SEC23B: variants seen among roughly 807,000 people sequenced by gnomAD.
The protein encoded by SEC23B is protein transport protein Sec23B.
In SEC23B, 77 loss-of-function variants were observed where a neutral mutation model predicts 104.3. That is an observed-to-expected ratio of 0.74 (90% CI 0.61 to 0.89). The LOEUF is 0.89. Among genes scored for constraint, SEC23B ranks in the 40% least tolerant of loss-of-function variants. The probability of loss-of-function intolerance (pLI) is 0.00; values close to 1 mark genes in which losing one functional copy is unlikely to be tolerated. For missense variants in SEC23B, 885 were observed against 949.4 expected (o/e 0.93, Z 0.89); for synonymous variants, 338 against 332.5 (o/e 1.02, Z -0.18).
rs2060485760 is a variant in SEC23B at position 18,560,757 on chromosome 20, G to A, written c.*17G>A. The A allele has an allele frequency of 6.3e-7, 1 of 1,586,574 alleles. No individual in the cohort carries two copies. Among genetic ancestry groups the A allele is most frequent in the Non-Finnish European group, 8.7e-7 (1 of 1,155,018 alleles). On this transcript the variant is annotated 3_prime_UTR_variant, in exon 20 of 20. Transcript: ENST00000650089. ...GCCTGTTAAGCTGAGGATACAACCAGGAAATGCAACGGTGTCAGATTGTGT... is the reference window on the plus strand; with the variant it reads ...GCCTGTTAAGCTGAGGATACAACCAAGAAATGCAACGGTGTCAGATTGTGT...
intron 4 of SEC23B, among the ~76,000 whole-genome samples, chr20:18,522,504 G>A (rs150088052): frequency 1.3e-5 from 2 of 152,326 alleles, no homozygotes; most frequent in East Asian, 1.9e-4. Flanking sequence ...CCACTTACCC[G>A]ATTTGAAATT....
chr20:18,547,446 A>G (rs1278016591), intron 15 of SEC23B, among the ~76,000 whole-genome samples: 2 of 152,186 alleles, frequency 1.3e-5, no homozygotes, highest in African/African-American at 2.4e-5. Context: ...ACACTTCACA[A>G]GGCAGCTCAT....
chr20:18,546,903 G>GTTT lies in SEC23B; in HGVS notation c.1743+894_1743+896dup, dbSNP rs58809009. Among the ~76,000 whole-genome samples the GTTT allele has an allele frequency of 3.2e-3, 368 of 115,486 alleles. 3 individuals carry two copies. The highest frequency in any genetic ancestry group is 0.026 in the South Asian group (83 of 3,240). 75.8% of individuals were successfully genotyped at this position (115,486 alleles called of 152,430 possible). A position where few individuals can be genotyped will look rare whatever the true frequency, so the allele number is the denominator to read the frequency against. ...AGTTGGTCTGGTGAAGTGGTTTGCA[G>GTTT]TTTTTTTTTTTTTTTTTTTTTTTTT... is the stretch of plus-strand genomic sequence containing the variant. On this transcript the variant is annotated intron_variant, in intron 15 of 19. Coordinates refer to ENST00000650089, the MANE Select transcript of SEC23B (RefSeq NM_006363.6).
At chr20:18,527,734 T>C (rs577659219) in intron 9 of SEC23B, 123 bp downstream of exon 9, 1 of 777,358 alleles carries the variant, frequency 1.3e-6, no homozygotes, top group Non-Finnish European at 2.4e-6. Flanking sequence ...CTCTGGGCTA[T>C]GGTTTCAGTG....
chr20:18,511,000 A>G lies in SEC23B; in HGVS notation c.165A>G (p.Gln55=), dbSNP rs775207981. ...AACGTCCAGACCTACCTCCTGTACA[A>G]TATGAACCTGTGCTTTGCAGCAGGC... is the stretch of plus-strand genomic sequence containing the variant. ...LKERPDLPPV[Q]YEPVLCSRPT... Residue 55 remains glutamine, a synonymous_variant, in exon 2 of 20, where the codon CAA becomes CAG. Transcript: ENST00000650089. The G allele has an allele frequency of 4.3e-6, 7 of 1,614,216 alleles. No individual in the cohort carries two copies. In the East Asian group the frequency reaches 8.9e-5, roughly 21 times the overall value.
At chr20:18,515,533 G>T in intron 3 of SEC23B, 117 bp from the exon 4 acceptor site, 1 of 697,634 alleles carries the variant, frequency 1.4e-6, no homozygotes. Flanking sequence ...AGCTAGTCTG[G>T]AGCTCCTGAG....
At chr20:18,554,511 C>T (rs1177230238) in intron 18 of SEC23B, 121 bp downstream of exon 18, 2 of 1,302,464 alleles carry the variant, frequency 1.5e-6, no homozygotes, top group Non-Finnish European at 2.2e-6. Context: ...CACAGGTAAT[C>T]TTCCAAATAT....
At chr20:18,545,137 T>G (rs2060320938) in intron 14 of SEC23B, among the ~76,000 whole-genome samples, 1 of 152,194 alleles carries the variant, frequency 6.6e-6, no homozygotes, top group Non-Finnish European at 1.5e-5. Context: ...CACTGGACAC[T>G]GGAGGGTGGA....
chr20:18,530,828 T>TA (rs1555788874), intron 10 of SEC23B, 25 bp downstream of exon 10: 12 of 1,572,918 alleles, frequency 7.6e-6, no homozygotes, highest in Non-Finnish European at 7.0e-6. Flanking sequence ...TTTTTTTTTT[T>TA]ATGTGGACTC....
rs532171698 is a variant in SEC23B at position 18,528,076 on chromosome 20, C to T, written c.1109+465C>T. On this transcript the variant is annotated intron_variant, in intron 9 of 19. Transcript: ENST00000650089. Reference sequence around the variant, plus strand: ...CTGAGTCAGTATTGTATTCACAGGCCAGAGTGTGGAGCAGTGGTTCTCAAC... The same window carrying T: ...CTGAGTCAGTATTGTATTCACAGGCTAGAGTGTGGAGCAGTGGTTCTCAAC... Among the ~76,000 whole-genome samples the T allele has an allele frequency of 3.9e-5, 6 of 152,300 alleles. No individual in the cohort carries two copies. The East Asian group carries it at 1.2e-3, about 29-fold the overall frequency.
At chr20:18,559,391 C>T (rs1162491305) in intron 19 of SEC23B, among the ~76,000 whole-genome samples, 1 of 152,132 alleles carries the variant, frequency 6.6e-6, no homozygotes, top group Non-Finnish European at 1.5e-5. Context: ...TCTACTGACA[C>T]CACAGGGGTA....
At chr20:18,513,995 G>T (rs1041576739) in intron 3 of SEC23B, among the ~76,000 whole-genome samples, 3 of 152,122 alleles carry the variant, frequency 2.0e-5, no homozygotes, top group Non-Finnish European at 4.4e-5. Context: ...TGAGATTATT[G>T]TGAGAATTAA....
chr20:18,535,845 T>G (rs372193148), intron 12 of SEC23B, 103 bp downstream of exon 12: 1 of 882,696 alleles, frequency 1.1e-6, no homozygotes, highest in Admixed American at 1.9e-5. Context: ...CCAATATTCC[T>G]TGGGTATTGT....
intron 7 of SEC23B, 67 bp downstream of exon 7, chr20:18,525,999 C>A: frequency 6.5e-7 from 1 of 1,547,584 alleles, no homozygotes; most frequent in Non-Finnish European, 8.9e-7. Flanking sequence ...TATTTGTTGG[C>A]TTTGTTTGAA....
At chr20:18,545,840 G>C in intron 14 of SEC23B, 116 bp from the exon 15 acceptor site, 1 of 744,760 alleles carries the variant, frequency 1.3e-6, no homozygotes, top group Non-Finnish European at 2.5e-6. Context: ...ATAGTAAGTG[G>C]CAGAGTTCAG....
chr20:18,516,592 C>T (rs1395566875), intron 4 of SEC23B, among the ~76,000 whole-genome samples: 7 of 148,358 alleles, frequency 4.7e-5, no homozygotes, highest in Non-Finnish European at 1.0e-4. Flanking sequence ...TGCTCTGTTG[C>T]CCAGGCTGGA....
intron 10 of SEC23B, among the ~76,000 whole-genome samples, chr20:18,532,419 A>G (rs1220098370): frequency 6.6e-6 from 1 of 152,234 alleles, no homozygotes; most frequent in Non-Finnish European, 1.5e-5. Flanking sequence ...TCCAAGTTTA[A>G]AAAGTAAGTT....
At chr20:18,512,832 A>G (rs1321180738) in intron 3 of SEC23B, among the ~76,000 whole-genome samples, 4 of 152,302 alleles carry the variant, frequency 2.6e-5, no homozygotes, top group East Asian at 3.9e-4. Context: ...TGGGTGGATC[A>G]TGAGGTCAAG....
intron 3 of SEC23B, among the ~76,000 whole-genome samples, chr20:18,512,924 G>A (rs746051448): frequency 7.9e-5 from 12 of 152,036 alleles, no homozygotes; most frequent in African/African-American, 1.9e-4. Context: ...GGTGACTTAC[G>A]CCTATAATCT....
Sources: gnomAD v4.1 joint callset for allele counts (sites outside exome capture counted in the v4.1 genomes callset) on GRCh38, gnomAD v4.1.1 for gene constraint, MANE v1.5 for transcripts, NCBI Gene and HGNC (gene_info 2026-07-23, HGNC 2026-07-21) for gene names.